Variants in FGF14 observed in about 807,000 individuals in gnomAD.
FGF14 encodes fibroblast growth factor homologous factor 4.
Under a neutral mutation model 25.5 loss-of-function variants are expected in FGF14, and 5 were observed. The observed-to-expected ratio is 0.20, with a 90% CI of 0.10 to 0.41. The LOEUF is 0.41. Among genes scored for constraint, FGF14 ranks in the 10% least tolerant of loss-of-function variants. The pLI, the probability that FGF14 is intolerant of heterozygous loss-of-function variation, is 1.00. For missense variants in FGF14, 222 were observed against 320.1 expected (o/e 0.69, Z 2.34); for synonymous variants, 138 against 118.3 (o/e 1.17, Z -1.08).
chr13:101,747,385 TAGAC>T (rs2036959445), intron 3 of FGF14, among the ~76,000 whole-genome samples: 1 of 151,994 alleles, frequency 6.6e-6, no homozygotes, highest in African/African-American at 2.4e-5. Flanking sequence ...CTGGGAAATT[TAGAC>T]AGAAAGAAAA....
Position 101,895,850 on chromosome 13 carries a change from C to G in FGF14, c.194-20554G>C, listed in dbSNP as rs2030578649. Reference sequence around the variant, plus strand: ...CGTATTTTTTTTACGTAAGTACTTTCAATGGTAGAGGAAAGTAAATGGTCA... The same window carrying G: ...CGTATTTTTTTTACGTAAGTACTTTGAATGGTAGAGGAAAGTAAATGGTCA... On this transcript the variant is annotated intron_variant, in intron 1 of 4. Transcript: ENST00000376143. 1.3e-5 allele frequency among the ~76,000 whole-genome samples: 2 copies of G among 152,064 alleles called. 1 individual carries two copies. Among genetic ancestry groups the G allele is most frequent in the South Asian group, 4.1e-4 (2 of 4,820 alleles).
intron 3 of FGF14, among the ~76,000 whole-genome samples, chr13:101,794,891 A>G (rs1297684447): frequency 6.6e-6 from 1 of 152,182 alleles, no homozygotes; most frequent in African/African-American, 2.4e-5. Flanking sequence ...TATTGACTTT[A>G]TATGAAAAAA....
At chr13:101,916,134 T>C (rs1468129372) in intron 1 of FGF14, among the ~76,000 whole-genome samples, 1 of 152,112 alleles carries the variant, frequency 6.6e-6, no homozygotes, top group Admixed American at 6.5e-5. Flanking sequence ...CCAGAGCCAG[T>C]GCCAGTCCCT....
In FGF14 at chr13:102,228,669, A is replaced by G. The variant is rs911617001; in HGVS notation, c.208+172802T>C. On this transcript the variant is annotated intron_variant, in intron 1 of 4. Transcript: ENST00000376131. The stretch of plus-strand genomic sequence containing the variant: ...GTACCCCGAGGAGTTGGCTATAATA[A>G]TTCCCATTTTACAGATAAGAAAGCA... 3.3e-5 allele frequency among the ~76,000 whole-genome samples: 5 copies of G among 152,258 alleles called. No homozygotes were observed. In the South Asian group the frequency reaches 8.3e-4, roughly 25 times the overall value.
At chr13:101,870,316 C>G (rs1275036886) in intron 2 of FGF14, among the ~76,000 whole-genome samples, 3 of 151,592 alleles carry the variant, frequency 2.0e-5, no homozygotes, top group Non-Finnish European at 4.4e-5. Flanking sequence ...TACCATCTCC[C>G]CTTACATCTT....
At chr13:102,047,818 T>G (rs2042054094) in intron 1 of FGF14, among the ~76,000 whole-genome samples, 1 of 152,252 alleles carries the variant, frequency 6.6e-6, no homozygotes, top group South Asian at 2.1e-4. Flanking sequence ...ACCCTAAAAC[T>G]TAAAGTATAA....
At chr13:102,390,875 C>A (rs533914999) in intron 1 of FGF14, among the ~76,000 whole-genome samples, 1 of 152,142 alleles carries the variant, frequency 6.6e-6, no homozygotes, top group East Asian at 1.9e-4. Flanking sequence ...ATTTACCATG[C>A]CCTAAAAGTC....
chr13:101,779,408 C>A (rs1176912319), intron 3 of FGF14, among the ~76,000 whole-genome samples: 1 of 152,132 alleles, frequency 6.6e-6, no homozygotes, highest in Non-Finnish European at 1.5e-5. Context: ...AACAGCAAAC[C>A]TGATAGTCAA....
intron 1 of FGF14, among the ~76,000 whole-genome samples, chr13:102,097,625 G>T (rs186238635): frequency 1.8e-4 from 27 of 152,280 alleles, no homozygotes; most frequent in Admixed American, 1.2e-3. Context: ...TAACTTTGGA[G>T]CTGAGGGCCA....
chr13:101,953,570 G>A (rs968959618), intron 1 of FGF14, among the ~76,000 whole-genome samples: 3 of 138,142 alleles, frequency 2.2e-5, no homozygotes, highest in Admixed American at 7.4e-5. Flanking sequence ...GTGTGTGTGT[G>A]TATATATATA....
intron 1 of FGF14, among the ~76,000 whole-genome samples, chr13:101,944,460 T>C (rs1021179858): frequency 6.6e-6 from 1 of 152,206 alleles, no homozygotes; most frequent in Non-Finnish European, 1.5e-5. Context: ...TAAAACTTTA[T>C]TTATTAAAAC....
intron 1 of FGF14, among the ~76,000 whole-genome samples, chr13:102,292,092 G>A (rs987778679): frequency 2.6e-5 from 4 of 152,074 alleles, no homozygotes; most frequent in Middle Eastern, 3.4e-3. Context: ...ATGGCTGGCT[G>A]GCCGGAGCCC....
At chr13:102,176,438 G>T (rs2140717078) in intron 1 of FGF14, among the ~76,000 whole-genome samples, 1 of 152,182 alleles carries the variant, frequency 6.6e-6, no homozygotes, top group South Asian at 2.1e-4. Flanking sequence ...GTAGAAGAGG[G>T]TTGTAGGGTG....
intron 1 of FGF14, among the ~76,000 whole-genome samples, chr13:102,108,503 C>T (rs2045044405): frequency 6.6e-6 from 1 of 152,162 alleles, no homozygotes; most frequent in African/African-American, 2.4e-5. Context: ...CTCTGTGAAA[C>T]ATGTTAAGAT....
At chr13:101,759,957 C>T (rs1342596582) in intron 3 of FGF14, among the ~76,000 whole-genome samples, 2 of 152,054 alleles carry the variant, frequency 1.3e-5, no homozygotes, top group Non-Finnish European at 2.9e-5. Context: ...CTAATAAACT[C>T]CTAAGAGGAA....
chr13:101,923,836 A>G (rs1161215111), intron 1 of FGF14, among the ~76,000 whole-genome samples: 1 of 152,112 alleles, frequency 6.6e-6, no homozygotes, highest in Admixed American at 6.5e-5. Context: ...TATTGATACT[A>G]AAAACTTGTG....
intron 3 of FGF14, among the ~76,000 whole-genome samples, chr13:101,856,654 A>T (rs565676133): frequency 6.6e-6 from 1 of 152,040 alleles, no homozygotes; most frequent in Non-Finnish European, 1.5e-5. Context: ...ATAAATTTGC[A>T]TCTTTGCATT....
At chr13:101,928,173 T>C (rs1368806256) in intron 1 of FGF14, among the ~76,000 whole-genome samples, 1 of 151,920 alleles carries the variant, frequency 6.6e-6, no homozygotes, top group Non-Finnish European at 1.5e-5. Context: ...GCCCAGGAGA[T>C]TTTCCTAACA....
At chr13:102,349,052 T>G (rs77669730) in intron 1 of FGF14, among the ~76,000 whole-genome samples, 2,882 of 152,198 alleles carry the variant, frequency 0.019, 37 homozygotes, top group Middle Eastern at 0.037. Flanking sequence ...TTGTCAAAAC[T>G]GTGAGAGTGG....
Sources: allele counts gnomAD v4.1 joint callset (sites outside exome capture counted in the v4.1 genomes callset), GRCh38; gene constraint gnomAD v4.1.1; transcripts MANE v1.5; gene names NCBI Gene and HGNC (gene_info 2026-07-23, HGNC 2026-07-21).